ADARB2: variants seen among roughly 807,000 people sequenced by gnomAD.
ADARB2 encodes adenosine deaminase RNA specific B2 (inactive).
A neutral mutation model predicts 62.2 loss-of-function variants in ADARB2; 25 were observed. The ratio of observed to expected loss-of-function variants is 0.40; its 90% CI spans 0.29 to 0.56. The LOEUF is 0.56. Ranked by LOEUF, ADARB2 falls within the 20% of genes least tolerant of loss-of-function variation. The pLI is 0.43. For missense variants in ADARB2, 1,071 were observed against 1,077.4 expected, an observed-to-expected ratio of 0.99 and a Z score of 0.08; for synonymous variants, 572 against 500.8, an observed-to-expected ratio of 1.14 and a Z score of -1.90.
rs373383334 is a variant in ADARB2 at position 1,616,625 on chromosome 10, C to T, written c.100+120426G>A. On this transcript the variant is annotated intron_variant, in intron 1 of 9. Coordinates refer to ENST00000381312, the MANE Select transcript of ADARB2 (RefSeq NM_018702.4). ...CTGGCCTCAGAGGGTTGCATTCTGT[C>T]GCTAGATGTTTGTGTGCCCGTCCAG... 4.0e-4 allele frequency among the ~76,000 whole-genome samples: 35 copies of T among 87,988 alleles called. 1 individual carries two copies. The highest frequency in any genetic ancestry group is 8.1e-4 in the South Asian group (2 of 2,474). 57.7% of individuals were successfully genotyped at this position (87,988 alleles called of 152,430 possible).
At chr10:1,469,686 G>A (rs1221464051) in intron 1 of ADARB2, among the ~76,000 whole-genome samples, 1 of 152,180 alleles carries the variant, frequency 6.6e-6, no homozygotes, top group Non-Finnish European at 1.5e-5. Context: ...TATCCTCAAG[G>A]CACCTGTGGG....
chr10:1,386,808 C>T (rs1236887426), intron 1 of ADARB2, among the ~76,000 whole-genome samples: 5 of 151,794 alleles, frequency 3.3e-5, no homozygotes, highest in Middle Eastern at 3.2e-3. Flanking sequence ...CTAACTTGAC[C>T]TAAGTTACAT....
At chr10:1,446,988 A>G (rs561776399) in intron 1 of ADARB2, among the ~76,000 whole-genome samples, 2 of 152,328 alleles carry the variant, frequency 1.3e-5, no homozygotes, top group Admixed American at 1.3e-4. Context: ...TTCATTTAGG[A>G]AATATTTGAA....
intron 3 of ADARB2, among the ~76,000 whole-genome samples, chr10:1,287,326 A>G (rs962107355): frequency 6.6e-6 from 1 of 152,252 alleles, no homozygotes; most frequent in Admixed American, 6.5e-5. Context: ...ATACATATAC[A>G]CATTGTGGGA....
intron 1 of ADARB2, among the ~76,000 whole-genome samples, chr10:1,611,625 T>C (rs571095471): frequency 6.9e-4 from 105 of 152,246 alleles, no homozygotes; most frequent in African/African-American, 2.4e-3. Flanking sequence ...GGTGCCCCCA[T>C]TGATGTTCCT....
chr10:1,302,033 G>A (rs756270920), intron 3 of ADARB2, among the ~76,000 whole-genome samples: 28 of 152,214 alleles, frequency 1.8e-4, no homozygotes, highest in Non-Finnish European at 2.1e-4. Flanking sequence ...AGCCAAGATG[G>A]CCGAATAGGA....
At chr10:1,205,171 C>T (rs968551138) in intron 7 of ADARB2, among the ~76,000 whole-genome samples, 6 of 152,224 alleles carry the variant, frequency 3.9e-5, no homozygotes, top group African/African-American at 1.2e-4. Flanking sequence ...GTCCCTGCTG[C>T]CCGGGGGCTG....
intron 1 of ADARB2, among the ~76,000 whole-genome samples, chr10:1,680,533 C>T (rs959927057): frequency 6.6e-5 from 10 of 152,250 alleles, no homozygotes; most frequent in East Asian, 1.9e-4. Context: ...TGTGTGTGGG[C>T]GCTTTTGGAA....
chr10:1,332,199 T>A (rs761707445), intron 3 of ADARB2, among the ~76,000 whole-genome samples: 1 of 152,148 alleles, frequency 6.6e-6, no homozygotes, highest in Non-Finnish European at 1.5e-5. Flanking sequence ...AGCCCAGGAA[T>A]TTTAGAGTGG....
chr10:1,655,803 A>G (rs919259212), intron 1 of ADARB2, among the ~76,000 whole-genome samples: 5 of 152,182 alleles, frequency 3.3e-5, no homozygotes, highest in African/African-American at 1.2e-4. Context: ...GGTTTTGAGT[A>G]TTTTCAGTAG....
chr10:1,446,757 T>A (rs1422462176), intron 1 of ADARB2, among the ~76,000 whole-genome samples: 1 of 152,206 alleles, frequency 6.6e-6, no homozygotes, highest in Non-Finnish European at 1.5e-5. Context: ...TGTATGCAAG[T>A]TCGCCTATTA....
At chr10:1,241,727 G>C (rs565620264) in intron 5 of ADARB2, among the ~76,000 whole-genome samples, 3 of 152,216 alleles carry the variant, frequency 2.0e-5, no homozygotes, top group Non-Finnish European at 2.9e-5. Flanking sequence ...TGGCACAGGA[G>C]GCAAGAAGAC....
chr10:1,462,831 T>C (rs904117393), intron 1 of ADARB2, among the ~76,000 whole-genome samples: 10 of 152,152 alleles, frequency 6.6e-5, no homozygotes, highest in African/African-American at 2.4e-4. Flanking sequence ...GTAGTGTGCA[T>C]GTGTGTATGT....
intron 1 of ADARB2, among the ~76,000 whole-genome samples, chr10:1,461,805 T>C (rs1831178065): frequency 6.6e-6 from 1 of 152,020 alleles, no homozygotes; most frequent in African/African-American, 2.4e-5. Flanking sequence ...TTTAAGACCA[T>C]CCTGGCCAAC....
intron 1 of ADARB2, among the ~76,000 whole-genome samples, chr10:1,408,542 C>T (rs1832726779): frequency 6.6e-6 from 1 of 152,212 alleles, no homozygotes; most frequent in Non-Finnish European, 1.5e-5. Flanking sequence ...TACAGTCACA[C>T]CGAGTCCCAG....
intron 1 of ADARB2, among the ~76,000 whole-genome samples, chr10:1,516,455 G>C (rs887126264): frequency 6.6e-6 from 1 of 152,124 alleles, no homozygotes; most frequent in Non-Finnish European, 1.5e-5. Flanking sequence ...ATGTCTGCTT[G>C]TTCACCTGTG....
intron 1 of ADARB2, among the ~76,000 whole-genome samples, chr10:1,559,973 A>G (rs1382472489): frequency 6.6e-6 from 1 of 152,190 alleles, no homozygotes; most frequent in Non-Finnish European, 1.5e-5. Context: ...GATCTGAGTG[A>G]GGAATCCCAC....
chr10:1,553,559 G>T (rs1025046827), intron 1 of ADARB2, among the ~76,000 whole-genome samples: 2 of 152,166 alleles, frequency 1.3e-5, no homozygotes, highest in Non-Finnish European at 2.9e-5. Context: ...GAAATCAAAG[G>T]AACGCGATGC....
At chr10:1,582,632 ACAG>A (rs1833121129) in intron 1 of ADARB2, among the ~76,000 whole-genome samples, 2 of 152,144 alleles carry the variant, frequency 1.3e-5, no homozygotes, top group African/African-American at 4.8e-5. Flanking sequence ...CCTCAGCCAA[ACAG>A]TCAGTGCCAG....
Sources: gnomAD v4.1 joint callset for allele counts (sites outside exome capture counted in the v4.1 genomes callset) on GRCh38, gnomAD v4.1.1 for gene constraint, MANE v1.5 for transcripts, NCBI Gene and HGNC (gene_info 2026-07-23, HGNC 2026-07-21) for gene names.